STAT5B: variants seen among roughly 807,000 people sequenced by gnomAD.
The protein encoded by STAT5B is signal transducer and activator of transcription 5B.
A neutral mutation model predicts 107.8 loss-of-function variants in STAT5B; 21 were observed. The observed-to-expected ratio is 0.19, with a 90% CI of 0.14 to 0.28. The LOEUF is 0.28. Among genes scored for constraint, STAT5B ranks in the 10% least tolerant of loss-of-function variants. The probability of loss-of-function intolerance (pLI) is 1.00; values close to 1 mark genes in which losing one functional copy is unlikely to be tolerated. For synonymous variants in STAT5B, 325 were observed against 401.7 expected (o/e 0.81, Z 2.28); for missense variants, 565 against 1,008.2 (o/e 0.56, Z 5.95).
At position 42,217,288 on chromosome 17, in the gene STAT5B, A is replaced by G; in HGVS notation, c.1258-6T>C. 9 of 1,614,190 alleles carry G rather than the reference A, an allele frequency of 5.6e-6. No homozygotes were observed. The highest frequency in any genetic ancestry group is 7.6e-6 in the Non-Finnish European group (9 of 1,180,034). On this transcript the variant is annotated splice_region_variant and splice_polypyrimidine_tract_variant and intron_variant, in intron 10 of 18. Transcript: ENST00000293328. ...CTCTTAATTCGTTTCAGGGACTACA[A>G]AGAAGAAACATAAGATGAAACGTAA...
chr17:42,278,310 C>T (rs537660306), upstream of STAT5B, among the ~76,000 whole-genome samples: 7 of 152,322 alleles, frequency 4.6e-5, no homozygotes, highest in Admixed American at 1.3e-4. Context: ...AATCCTCCTA[C>T]TCGTGTTCAA....
At chr17:42,206,310 A>G (rs2080084558) in intron 16 of STAT5B, among the ~76,000 whole-genome samples, 1 of 151,990 alleles carries the variant, frequency 6.6e-6, no homozygotes, top group Admixed American at 6.6e-5. Flanking sequence ...GGCTGGTTTC[A>G]AACTCCTGAC....
chr17:42,282,273 C>G, the STAT5B span, among the ~76,000 whole-genome samples: 2 of 152,092 alleles, frequency 1.3e-5, no homozygotes, highest in African/African-American at 4.8e-5. Context: ...GAAAAAACAC[C>G]CAGCTCTACT....
intron 1 of STAT5B, among the ~76,000 whole-genome samples, chr17:42,262,887 T>C (rs542133296): frequency 5.5e-5 from 7 of 128,312 alleles, no homozygotes; most frequent in South Asian, 2.4e-4. Context: ...TATACACATA[T>C]ATATGTGTGT....
intron 1 of STAT5B, among the ~76,000 whole-genome samples, chr17:42,233,268 A>G (rs1270100671): frequency 2.0e-5 from 3 of 152,226 alleles, no homozygotes; most frequent in Non-Finnish European, 4.4e-5. Flanking sequence ...ATTGAACCCT[A>G]TGCATTATCA....
chr17:42,249,264 G>C (rs992096376), intron 1 of STAT5B, among the ~76,000 whole-genome samples: 1 of 152,022 alleles, frequency 6.6e-6, no homozygotes, highest in African/African-American at 2.4e-5. Flanking sequence ...GTGGTGGCGC[G>C]TGACTGTAAT....
intron 1 of STAT5B, among the ~76,000 whole-genome samples, chr17:42,240,997 T>A (rs1039178286): frequency 6.6e-6 from 1 of 152,160 alleles, no homozygotes; most frequent in Non-Finnish European, 1.5e-5. Flanking sequence ...TCAAAACTGT[T>A]AAACCTATCA....
At position 42,217,402 on chromosome 17, in the gene STAT5B, G is replaced by A. The variant is rs752592229; in HGVS notation, c.1232C>T (p.Thr411Ile). The A allele has an allele frequency of 1.3e-5, 21 of 1,614,058 alleles. No individual in the cohort carries two copies. The highest frequency in any genetic ancestry group is 6.8e-6 in the Non-Finnish European group (8 of 1,180,048). Residue 411 changes from threonine to isoleucine, a missense_variant, in exon 10 of 19, where the codon ACC (threonine) becomes ATC (isoleucine). By Grantham distance (89) the Thr-to-Ile change is moderately conservative (BLOSUM62 -1). This residue lies in a region of STAT5B where 70 missense variants were observed against 73.2 expected (regional missense o/e 0.96). Coordinates refer to ENST00000293328, the MANE Select transcript of STAT5B (RefSeq NM_012448.4). ...CVMEYHQATG[T>I]LSAHFRNMSL... is the part of the protein sequence containing the mutation. ...CATATTCCTGAAGTGGGCACTAAGG[G>A]TGCCTGTGGCTTGGTGGTACTCCAT...
chr17:42,210,676 A>C, intron 13 of STAT5B, 179 bp from the exon 14 acceptor site: 1 of 653,716 alleles, frequency 1.5e-6, no homozygotes, highest in East Asian at 3.0e-5. Flanking sequence ...AGAGGGAAGA[A>C]GGGGAAAATA....
At chr17:42,225,968 CTT>C (rs1196536783) in intron 3 of STAT5B, among the ~76,000 whole-genome samples, 7 of 152,262 alleles carry the variant, frequency 4.6e-5, no homozygotes, top group Non-Finnish European at 7.4e-5. Context: ...GAATTTCACT[CTT>C]GTCACCCAGG....
rs762833594 is a variant in STAT5B, at chr17:42,218,263, G to A, written c.1057C>T (p.Arg353Cys). ...TTCAGCTTCCCGCCCACCAGCAGGC[G>A]CACAGTGGCTGCAAACTTGGTCTGG... Reference protein sequence around the residue: ...KTQTKFAATVRLLVGGKLNVH... With the variant: ...KTQTKFAATVCLLVGGKLNVH... The change falls in exon 9 of 19, where the codon CGC becomes TGC. Residue 353 changes from arginine (R) to cysteine (C), a missense_variant. Around this residue, in one of 11 missense-constraint regions of STAT5B, gnomAD observed 48 missense variants for 106.5 expected, o/e 0.45. Transcript: ENST00000293328. The A allele has an allele frequency of 4.9e-5, 79 of 1,614,052 alleles. No homozygotes were observed. In the East Asian group the frequency reaches 5.8e-4, roughly 12 times the overall value.
At position 42,216,092 on chromosome 17, in the gene STAT5B, T is replaced by A; in HGVS notation, c.1395A>T (p.Pro465=). The A allele has an allele frequency of 6.2e-7, 1 of 1,613,324 alleles. No homozygotes were observed. The highest frequency in any genetic ancestry group is 1.1e-5 in the South Asian group (1 of 90,942). The change falls in exon 12 of 19, where the codon CCA becomes CCT. Residue 465 remains proline, a synonymous_variant. Transcript: ENST00000293328. ...GGCTGCCATGAACGATCACCACCAC[T>A]GGCAGGGACAGGGTCTAAAAAGACA... ...LVFQVKTLSL[P]VVVIVHGSQD... is the part of the protein sequence containing the mutation.
intron 16 of STAT5B, among the ~76,000 whole-genome samples, chr17:42,203,405 A>C (rs1289856517): frequency 6.6e-6 from 1 of 151,858 alleles, no homozygotes; most frequent in Non-Finnish European, 1.5e-5. Flanking sequence ...CACTAATTGC[A>C]TACTAATTAA....
chr17:42,227,823 C>G (rs912148601), intron 2 of STAT5B, 138 bp from the exon 3 acceptor site: 3 of 810,270 alleles, frequency 3.7e-6, no homozygotes, highest in Non-Finnish European at 5.9e-6. Context: ...AACAGCCCAA[C>G]AGAAATGGAC....
chr17:42,282,826 G>A, the STAT5B span, among the ~76,000 whole-genome samples: 2 of 152,166 alleles, frequency 1.3e-5, no homozygotes, highest in African/African-American at 4.8e-5. Flanking sequence ...TAGGAAAGAT[G>A]AGGCCAATTT....
rs145321022 is a variant in STAT5B at position 42,266,929 on chromosome 17, T to C, written c.-11+9319A>G. Among the ~76,000 whole-genome samples the C allele has an allele frequency of 1.3e-3, 192 of 152,334 alleles. 1 individual carries two copies. Among genetic ancestry groups the C allele is most frequent in the Middle Eastern group, 3.4e-3 (1 of 294 alleles). On this transcript the variant is annotated intron_variant, in intron 1 of 18. Transcript: ENST00000293328. ...TAAACTCACTGCAAGATAAACTCAT[T>C]TGTAAAACATGACTACACTCAGAGT...
chr17:42,212,676 A>G (rs1041215806), intron 12 of STAT5B, among the ~76,000 whole-genome samples: 1 of 152,246 alleles, frequency 6.6e-6, no homozygotes, highest in Non-Finnish European at 1.5e-5. Flanking sequence ...GGTATGGAAG[A>G]GTGGAAATTT....
chr17:42,210,604 T>G, intron 13 of STAT5B, 107 bp from the exon 14 acceptor site: 3 of 1,043,408 alleles, frequency 2.9e-6, no homozygotes, highest in Non-Finnish European at 4.4e-6. Flanking sequence ...TCTACCCTTG[T>G]CAGAGGCATA....
chr17:42,213,847 A>G (rs1371486558), intron 12 of STAT5B, among the ~76,000 whole-genome samples: 1 of 147,254 alleles, frequency 6.8e-6, no homozygotes, highest in Non-Finnish European at 1.5e-5. Context: ...TTTTTTTAAC[A>G]TAGCATAAGG....
Sources: allele counts gnomAD v4.1 joint callset (sites outside exome capture counted in the v4.1 genomes callset), GRCh38; gene constraint gnomAD v4.1.1; regional missense constraint gnomAD v4.1.1; transcripts MANE v1.5; gene names NCBI Gene and HGNC (gene_info 2026-07-23, HGNC 2026-07-21).